The following SLC5A4 variants were observed in gnomAD, a reference collection of about 807,000 sequenced individuals.
SLC5A4 encodes the protein solute carrier family 5 member 4.
Under a neutral mutation model 70.3 loss-of-function variants are expected in SLC5A4, and 55 were observed. That is an observed-to-expected ratio of 0.78 (90% CI 0.63 to 0.98). The LOEUF (loss-of-function observed/expected upper bound fraction) is 0.98. Ranked by LOEUF, SLC5A4 falls within the 50% of genes least tolerant of loss-of-function variation. SLC5A4 has a pLI of 0.00. For synonymous variants in SLC5A4, 268 were observed against 305.7 expected (o/e 0.88, Z 1.29); for missense variants, 735 against 839.2 (o/e 0.88, Z 1.53).
At chr22:32,273,088 A>G in the SLC5A4 span, 14 of 496,398 alleles carry the variant, frequency 2.8e-5, no homozygotes, top group Admixed American at 1.6e-4. Flanking sequence ...CTGGAGACAG[A>G]TGGCGTCACT....
the SLC5A4 span, among the ~76,000 whole-genome samples, chr22:32,266,926 A>T: frequency 1.1e-3 from 171 of 152,340 alleles, no homozygotes; most frequent in African/African-American, 3.8e-3. Flanking sequence ...CTTTTTAATA[A>T]ATGACTGGTC....
the SLC5A4 span, among the ~76,000 whole-genome samples, chr22:32,302,046 TG>T: frequency 6.6e-6 from 1 of 152,272 alleles, no homozygotes; most frequent in Non-Finnish European, 1.5e-5. Context: ...AGAGAACATA[TG>T]GGTAATTCTT....
the SLC5A4 span, among the ~76,000 whole-genome samples, chr22:32,353,028 CAG>C: frequency 6.6e-6 from 1 of 152,236 alleles, no homozygotes; most frequent in Non-Finnish European, 1.5e-5. Context: ...GAACAGGATG[CAG>C]AGAGTGGTAG....
At chr22:32,241,181 C>A (rs1926488564) in intron 5 of SLC5A4, among the ~76,000 whole-genome samples, 1 of 152,238 alleles carries the variant, frequency 6.6e-6, no homozygotes, top group African/African-American at 2.4e-5. Flanking sequence ...CACCAGGTGA[C>A]ACTGAGCAGC....
chr22:32,251,891 C>T lies in SLC5A4; in HGVS notation c.208-17G>A. ...GGCGCCCATCTGGAATGCAAGAGAA[C>T]AGACTAGGGTTGGAGTTAAAAGATC... On this transcript the variant is annotated splice_polypyrimidine_tract_variant and intron_variant, in intron 2 of 14. Coordinates refer to ENST00000266086, the MANE Select transcript of SLC5A4 (RefSeq NM_014227.3). 3.2e-6 allele frequency: 5 copies of T among 1,572,088 alleles called. No homozygotes were observed. Among genetic ancestry groups the T allele is most frequent in the Non-Finnish European group, 4.4e-6 (5 of 1,141,790 alleles).
chr22:32,233,585 T>C (rs1313139486), intron 8 of SLC5A4, among the ~76,000 whole-genome samples: 1 of 151,630 alleles, frequency 6.6e-6, no homozygotes, highest in Non-Finnish European at 1.5e-5. Flanking sequence ...CCAGAGGGAG[T>C]GCTGCCAGAC....
the SLC5A4 span, among the ~76,000 whole-genome samples, chr22:32,331,228 CTGTG>C: frequency 1.5e-5 from 1 of 66,796 alleles, no homozygotes; most frequent in African/African-American, 6.4e-5. Context: ...GTGTTGGGGG[CTGTG>C]TGTGTGTTGG....
In SLC5A4 at chr22:32,237,311, C is replaced by A; in HGVS notation, c.597G>T (p.Ser199=). The change falls in exon 7 of 15, where the codon TCG becomes TCT. Residue 199 remains serine (S), a synonymous_variant. Transcript: ENST00000266086. ...AVYTTTGGLA[S]VIYTDTLQTI... ...TCTGGAGGGTGTCTGTGTAAATCAC[C>A]GAGGCCAAGCCCCCTAGTGAGAGAA... is the stretch of plus-strand genomic sequence containing the variant. 2 of 1,602,016 alleles carry A rather than the reference C, an allele frequency of 1.2e-6. No homozygotes were observed. Among genetic ancestry groups the A allele is most frequent in the East Asian group, 2.2e-5 (1 of 44,460 alleles).
the SLC5A4 span, chr22:32,271,769 A>C: frequency 1.7e-6 from 1 of 591,930 alleles, no homozygotes; most frequent in African/African-American, 1.8e-5. Flanking sequence ...CCTGTACTTC[A>C]ACAGACAGGG....
the SLC5A4 span, among the ~76,000 whole-genome samples, chr22:32,335,927 C>T: frequency 2.0e-5 from 3 of 152,218 alleles, no homozygotes; most frequent in Admixed American, 6.5e-5. Flanking sequence ...CCATCATTGT[C>T]ACGGGAGCCG....
chr22:32,331,020 TG>T, the SLC5A4 span, among the ~76,000 whole-genome samples: 1 of 92,332 alleles, frequency 1.1e-5, no homozygotes, highest in African/African-American at 4.6e-5. Flanking sequence ...GGCTCTGGTG[TG>T]TGTGTGTGTT....
the SLC5A4 span, among the ~76,000 whole-genome samples, chr22:32,341,653 T>C: frequency 6.6e-6 from 1 of 152,182 alleles, no homozygotes; most frequent in Admixed American, 6.5e-5. Flanking sequence ...TACCAAATGC[T>C]TCTTGCCACA....
intron 5 of SLC5A4, among the ~76,000 whole-genome samples, chr22:32,241,837 A>C (rs1028323899): frequency 1.6e-5 from 2 of 121,630 alleles, no homozygotes; most frequent in African/African-American, 7.9e-5. Flanking sequence ...GTATATATAT[A>C]TCTGTGTGTG....
chr22:32,271,326 G>A, the SLC5A4 span: 1 of 738,250 alleles, frequency 1.4e-6, no homozygotes, highest in Non-Finnish European at 2.4e-6. Flanking sequence ...GCCAGGAGGA[G>A]CTGCCTCTCT....
chr22:32,251,744 A>AG (rs1927173777), intron 3 of SLC5A4, 26 bp downstream of exon 3: 1 of 1,373,886 alleles, frequency 7.3e-7, no homozygotes, highest in Non-Finnish European at 1.0e-6. Flanking sequence ...TTTGATTTGA[A>AG]GGAAAAAGCC....
At chr22:32,342,117 G>C in the SLC5A4 span, among the ~76,000 whole-genome samples, 8 of 152,268 alleles carry the variant, frequency 5.3e-5, no homozygotes, top group South Asian at 2.1e-4. Flanking sequence ...ATGGTAGCAG[G>C]AATTAGCATA....
chr22:32,266,228 GACTA>G, the SLC5A4 span, among the ~76,000 whole-genome samples: 2 of 152,164 alleles, frequency 1.3e-5, no homozygotes, highest in Admixed American at 6.5e-5. Context: ...CAGAAATGAT[GACTA>G]ACTGAGTGGT....
Position 32,229,440 on chromosome 22 carries a change from T to C in SLC5A4, c.1130-96A>G. 6 of 1,292,330 alleles carry C rather than the reference T, an allele frequency of 4.6e-6. No individual in the cohort carries two copies. The South Asian group carries it at 7.2e-5, about 16-fold the overall frequency. The allele number at this position is 1,292,330 out of a possible 1,614,324, so 80.1% of individuals were successfully genotyped here. The stretch of plus-strand genomic sequence containing the variant: ...AAGGTTAAAAGTATCATCTGGAACA[T>C]AGGTTAACTGATGTCCTTATCAATA... On this transcript the variant is annotated intron_variant, in intron 10 of 14. Transcript: ENST00000266086.
the SLC5A4 span, among the ~76,000 whole-genome samples, chr22:32,311,820 T>C: frequency 6.6e-6 from 1 of 152,138 alleles, no homozygotes; most frequent in Non-Finnish European, 1.5e-5. Context: ...GGCGACAGCC[T>C]GTGGAGGCAT....
Sources: gnomAD v4.1 joint callset for allele counts (sites outside exome capture counted in the v4.1 genomes callset) on GRCh38, gnomAD v4.1.1 for gene constraint, MANE v1.5 for transcripts, NCBI Gene and HGNC (gene_info 2026-07-23, HGNC 2026-07-21) for gene names.